CPXM2: variants seen among roughly 807,000 people sequenced by gnomAD.
CPXM2 encodes carboxypeptidase X, M14 family member 2.
CPXM2 carries 66 observed loss-of-function variants against 86.1 expected under a neutral mutation model. The observed-to-expected ratio is 0.77, with a 90% CI of 0.63 to 0.94. CPXM2 has a LOEUF of 0.94. Ranked by LOEUF, CPXM2 falls within the 40% of genes least tolerant of loss-of-function variation. The probability of loss-of-function intolerance (pLI) is 0.00; values close to 1 mark genes in which losing one functional copy is unlikely to be tolerated. For synonymous variants in CPXM2, 388 were observed against 400.2 expected (o/e 0.97, Z 0.36); for missense variants, 948 against 1,026.3 (o/e 0.92, Z 1.04).
chr10:123,893,408 G>A (rs1945304927), upstream of CPXM2, among the ~76,000 whole-genome samples: 2 of 152,172 alleles, frequency 1.3e-5, no homozygotes, highest in Admixed American at 1.3e-4. Context: ...TTTCTGCGCA[G>A]GCCACTCCAC....
chr10:123,855,016 T>A (rs948964494), intron 3 of CPXM2, among the ~76,000 whole-genome samples: 1 of 151,840 alleles, frequency 6.6e-6, no homozygotes, highest in African/African-American at 2.4e-5. Context: ...CCGGCTTGTA[T>A]GTCTACACTG....
chr10:123,838,672 G>A (rs1027044147), intron 4 of CPXM2, among the ~76,000 whole-genome samples: 5 of 152,008 alleles, frequency 3.3e-5, no homozygotes, highest in South Asian at 2.1e-4. Context: ...AATGCAACAC[G>A]CTGTGAGACT....
intron 2 of CPXM2, among the ~76,000 whole-genome samples, chr10:123,937,215 G>A (rs1335299175): frequency 1.3e-5 from 2 of 152,146 alleles, no homozygotes; most frequent in Non-Finnish European, 2.9e-5. Flanking sequence ...CTGGACTTGG[G>A]TTCCAGCCCT....
At chr10:123,856,331 T>C (rs1848723288) in intron 3 of CPXM2, among the ~76,000 whole-genome samples, 1 of 152,188 alleles carries the variant, frequency 6.6e-6, no homozygotes, top group Non-Finnish European at 1.5e-5. Flanking sequence ...ACTACTGCAA[T>C]CTGTTTGAGG....
At chr10:123,844,182 C>A (rs928389348) in intron 3 of CPXM2, among the ~76,000 whole-genome samples, 1 of 152,136 alleles carries the variant, frequency 6.6e-6, no homozygotes, top group South Asian at 2.1e-4. Flanking sequence ...ATTATACCAT[C>A]GTGCAATAAA....
intron 13 of CPXM2, among the ~76,000 whole-genome samples, chr10:123,747,572 T>C (rs1213487458): frequency 6.6e-6 from 1 of 152,104 alleles, no homozygotes; most frequent in East Asian, 1.9e-4. Flanking sequence ...TGCAGGGCCA[T>C]CTATACATGG....
chr10:123,854,427 T>TA (rs1848675160), intron 3 of CPXM2, among the ~76,000 whole-genome samples: 1 of 118,724 alleles, frequency 8.4e-6, no homozygotes, highest in Non-Finnish European at 1.7e-5. Context: ...ATATATAATA[T>TA]ATATATAATA....
In CPXM2 at chr10:123,798,074, A is replaced by T. The variant is rs1219185190; in HGVS notation, c.791T>A (p.Val264Asp). 1 of 1,611,830 alleles carries T rather than the reference A, an allele frequency of 6.2e-7. No homozygotes were observed. The highest frequency in any genetic ancestry group is 1.7e-5 in the Admixed American group (1 of 59,808). ...GCGGATGTAGCGGGCCACCATGGGG[A>T]CGGGTAGCTCATTGAGAACAGGGAT... ...KEIPVLNELPVPMVARYIRIN... is the reference protein window; with the variant it reads ...KEIPVLNELPDPMVARYIRIN... The change falls in exon 6 of 14, where the codon GTC becomes GAC. Residue 264 changes from valine to aspartate, a missense_variant. Physicochemically the swap from Val to Asp is radical, Grantham distance 152 (BLOSUM62 -3). Coordinates refer to ENST00000241305, the MANE Select transcript of CPXM2 (RefSeq NM_198148.3).
chr10:123,788,207 G>A (rs1340616330), intron 6 of CPXM2, among the ~76,000 whole-genome samples: 1 of 149,114 alleles, frequency 6.7e-6, no homozygotes, highest in African/African-American at 2.5e-5. Flanking sequence ...TTGAACCCCA[G>A]AGGCAGAAGT....
At chr10:123,776,284 T>C (rs145939903) in intron 7 of CPXM2, among the ~76,000 whole-genome samples, 2,713 of 152,246 alleles carry the variant, frequency 0.018, 38 homozygotes, top group Non-Finnish European at 0.028. Flanking sequence ...TGTTGAGAAA[T>C]ACCATCTTAG....
chr10:123,805,132 G>A (rs1478375157), intron 4 of CPXM2, among the ~76,000 whole-genome samples: 1 of 151,872 alleles, frequency 6.6e-6, no homozygotes, highest in Non-Finnish European at 1.5e-5. Flanking sequence ...CATATATATT[G>A]TCTTTAGGTT....
At chr10:123,892,792 G>A (rs1465829308), upstream of CPXM2, among the ~76,000 whole-genome samples, 1 of 152,210 alleles carries the variant, frequency 6.6e-6, no homozygotes, top group Non-Finnish European at 1.5e-5. Context: ...TAGTAGGACT[G>A]ACGTGCAGTT....
intron 2 of CPXM2, among the ~76,000 whole-genome samples, chr10:123,866,520 G>A (rs1251131053): frequency 6.6e-6 from 1 of 151,934 alleles, no homozygotes; most frequent in Non-Finnish European, 1.5e-5. Flanking sequence ...AGCCGAGATC[G>A]TGCCACTGCA....
chr10:123,917,069 G>A (rs561321345), intron 2 of CPXM2, among the ~76,000 whole-genome samples: 1 of 152,250 alleles, frequency 6.6e-6, no homozygotes, highest in South Asian at 2.1e-4. Context: ...GCCGGACCTA[G>A]TGTTTCTGAA....
At chr10:123,859,005 A>G (rs1848799089) in intron 3 of CPXM2, among the ~76,000 whole-genome samples, 1 of 152,204 alleles carries the variant, frequency 6.6e-6, no homozygotes, top group African/African-American at 2.4e-5. Context: ...ATCTCACCCG[A>G]GGCCACATGG....
chr10:123,755,844 A>G (rs1846193310), intron 12 of CPXM2, among the ~76,000 whole-genome samples: 1 of 152,228 alleles, frequency 6.6e-6, no homozygotes, highest in Admixed American at 6.5e-5. Flanking sequence ...CTATGGCATC[A>G]TTACTTAAGA....
At chr10:123,943,196 C>G (rs969090183), upstream of CPXM2, among the ~76,000 whole-genome samples, 2 of 152,228 alleles carry the variant, frequency 1.3e-5, no homozygotes, top group African/African-American at 4.8e-5. Flanking sequence ...TTTGAATGTT[C>G]CTTTGAACTG....
chr10:123,878,389 C>T (rs75389387), intron 2 of CPXM2, among the ~76,000 whole-genome samples: 5,868 of 143,376 alleles, frequency 0.041, 156 homozygotes, highest in East Asian at 0.12. Context: ...GCCGTGATGG[C>T]TGCCTATGAG....
chr10:123,836,600 C>T (rs953082382), intron 4 of CPXM2, among the ~76,000 whole-genome samples: 5 of 152,204 alleles, frequency 3.3e-5, no homozygotes, highest in African/African-American at 9.7e-5. Flanking sequence ...GAGAAAGATG[C>T]TCTCTGTCCC....
Sources: allele counts gnomAD v4.1 joint callset (sites outside exome capture counted in the v4.1 genomes callset), GRCh38; gene constraint gnomAD v4.1.1; transcripts MANE v1.5; gene names NCBI Gene and HGNC (gene_info 2026-07-23, HGNC 2026-07-21).